The following ADAMTS17 variants were observed in gnomAD, a reference collection of about 807,000 sequenced individuals.
The protein encoded by ADAMTS17 is A disintegrin and metalloproteinase with thrombospondin motifs 17.
ADAMTS17 carries 113 observed loss-of-function variants against 141.5 expected under a neutral mutation model. That is an observed-to-expected ratio of 0.80 (90% CI 0.69 to 0.93). The LOEUF (loss-of-function observed/expected upper bound fraction) is 0.93. ADAMTS17 is among the 40% of genes least tolerant of loss of function. The probability of loss-of-function intolerance (pLI) is 0.00; values close to 1 mark genes in which losing one functional copy is unlikely to be tolerated. For missense variants in ADAMTS17, 1,659 were observed against 1,517.9 expected (o/e 1.09, Z -1.54); for synonymous variants, 768 against 630.6 (o/e 1.22, Z -3.27).
At chr15:100,036,254 C>A (rs2141510372) in intron 18 of ADAMTS17, among the ~76,000 whole-genome samples, 1 of 152,338 alleles carries the variant, frequency 6.6e-6, no homozygotes, top group Non-Finnish European at 1.5e-5. Flanking sequence ...AAAGGGCCTG[C>A]CGAAGGGCAA....
At chr15:100,167,604 A>G (rs79658010) in intron 8 of ADAMTS17, among the ~76,000 whole-genome samples, 1 of 152,258 alleles carries the variant, frequency 6.6e-6, no homozygotes, top group East Asian at 1.9e-4. Flanking sequence ...TGTGACCTCA[A>G]GCAGGAAGGG....
chr15:100,041,505 G>A (rs1280968544), intron 18 of ADAMTS17, among the ~76,000 whole-genome samples: 2 of 152,190 alleles, frequency 1.3e-5, no homozygotes, highest in Admixed American at 6.5e-5. Flanking sequence ...CAAGGGTCTC[G>A]TCACACAGTA....
intron 15 of ADAMTS17, among the ~76,000 whole-genome samples, chr15:100,084,818 A>G (rs1361349337): frequency 6.6e-6 from 1 of 152,340 alleles, no homozygotes; most frequent in South Asian, 2.1e-4. Context: ...AACAGAAAGG[A>G]CATCCACACC....
intron 3 of ADAMTS17, among the ~76,000 whole-genome samples, chr15:100,325,580 C>T (rs376349152): frequency 6.6e-6 from 1 of 152,150 alleles, no homozygotes; most frequent in Admixed American, 6.5e-5. Context: ...TGGCTTAGTG[C>T]CATCCCCGTG....
chr15:100,010,264 C>T (rs757369561), intron 18 of ADAMTS17, among the ~76,000 whole-genome samples: 3 of 152,220 alleles, frequency 2.0e-5, no homozygotes, highest in Non-Finnish European at 4.4e-5. Context: ...CAGACTAATA[C>T]AGGGTTCCTC....
At chr15:100,101,823 T>C (rs1025257197) in intron 14 of ADAMTS17, among the ~76,000 whole-genome samples, 8 of 152,266 alleles carry the variant, frequency 5.3e-5, no homozygotes, top group African/African-American at 1.9e-4. Flanking sequence ...ACTTATTAGC[T>C]ATCTTCCAAC....
At chr15:100,113,338 A>G (rs2036910079) in intron 13 of ADAMTS17, among the ~76,000 whole-genome samples, 1 of 152,202 alleles carries the variant, frequency 6.6e-6, no homozygotes, top group Non-Finnish European at 1.5e-5. Context: ...TGGCAAACAC[A>G]TTTGGCAGCA....
intron 3 of ADAMTS17, among the ~76,000 whole-genome samples, chr15:100,315,752 T>G (rs565124019): frequency 5.8e-4 from 89 of 152,230 alleles, no homozygotes; most frequent in African/African-American, 1.8e-3. Context: ...TCACACACAG[T>G]CACTGAAAGC....
chr15:99,981,680 G>T (rs1383309976), intron 20 of ADAMTS17, among the ~76,000 whole-genome samples: 3 of 152,194 alleles, frequency 2.0e-5, no homozygotes, highest in Non-Finnish European at 4.4e-5. Context: ...GTATACCTAT[G>T]TAACAGTTTG....
intron 7 of ADAMTS17, among the ~76,000 whole-genome samples, chr15:100,208,985 C>A (rs1218990896): frequency 3.9e-5 from 6 of 152,078 alleles, no homozygotes; most frequent in Non-Finnish European, 8.8e-5. Context: ...TCCAAGGGCT[C>A]TTCCAATGGT....
chr15:100,153,591 C>T (rs1174390606), intron 9 of ADAMTS17, among the ~76,000 whole-genome samples: 1 of 152,106 alleles, frequency 6.6e-6, no homozygotes, highest in African/African-American at 2.4e-5. Context: ...TTGCAGTGAG[C>T]CAAGATAGCG....
chr15:100,249,138 A>G (rs1038272994), intron 7 of ADAMTS17, among the ~76,000 whole-genome samples: 1 of 152,022 alleles, frequency 6.6e-6, no homozygotes, highest in Non-Finnish European at 1.5e-5. Flanking sequence ...TCATCTGCTC[A>G]CTCAAATCCA....
At chr15:100,275,090 A>G (rs915713493) in intron 4 of ADAMTS17, among the ~76,000 whole-genome samples, 1 of 152,214 alleles carries the variant, frequency 6.6e-6, no homozygotes, top group South Asian at 2.1e-4. Flanking sequence ...GGGCCTCATC[A>G]GAGGGATCAG....
chr15:100,327,529 C>T (rs1325009553), intron 3 of ADAMTS17, among the ~76,000 whole-genome samples: 1 of 152,132 alleles, frequency 6.6e-6, no homozygotes, highest in East Asian at 1.9e-4. Flanking sequence ...TTCTACCACA[C>T]ACATGTGAAA....
At chr15:100,334,135 T>G (rs1323044867) in intron 2 of ADAMTS17, among the ~76,000 whole-genome samples, 1 of 152,202 alleles carries the variant, frequency 6.6e-6, no homozygotes, top group Non-Finnish European at 1.5e-5. Context: ...AAATCAGGCA[T>G]TGTTCACGCC....
chr15:100,035,259 T>C (rs1005404600), intron 18 of ADAMTS17, among the ~76,000 whole-genome samples: 3 of 152,212 alleles, frequency 2.0e-5, no homozygotes, highest in Non-Finnish European at 4.4e-5. Context: ...ATCCAGCCTA[T>C]GTGAGGTCTT....
intron 15 of ADAMTS17, among the ~76,000 whole-genome samples, chr15:100,085,361 A>G (rs28773236): frequency 0.21 from 24,213 of 116,520 alleles, 4,092 homozygotes; most frequent in East Asian, 0.47. Flanking sequence ...CCAAATCTAC[A>G]TCTGATTGGT....
At chr15:100,309,106 G>C (rs914350168) in intron 3 of ADAMTS17, among the ~76,000 whole-genome samples, 1 of 152,234 alleles carries the variant, frequency 6.6e-6, no homozygotes, top group South Asian at 2.1e-4. Flanking sequence ...TCAAGCCTGT[G>C]ATCCCAGCAC....
intron 3 of ADAMTS17, among the ~76,000 whole-genome samples, chr15:100,311,334 C>T (rs1048934179): frequency 2.0e-5 from 3 of 152,210 alleles, no homozygotes; most frequent in Admixed American, 6.5e-5. Context: ...CGAGGCCATG[C>T]GCTCACTCAG....
Sources: allele counts gnomAD v4.1 joint callset (sites outside exome capture counted in the v4.1 genomes callset), GRCh38; gene constraint gnomAD v4.1.1; transcripts MANE v1.5; gene names NCBI Gene and HGNC (gene_info 2026-07-23, HGNC 2026-07-21).